Variants in CFAP299 observed in about 807,000 individuals in gnomAD.
The protein encoded by CFAP299 is cilia and flagella associated protein 299.
CFAP299 carries 21 observed loss-of-function variants against 27.0 expected under a neutral mutation model. The ratio of observed to expected loss-of-function variants is 0.78; its 90% CI spans 0.55 to 1.12. CFAP299 has a LOEUF of 1.12. CFAP299 is among the 50% of genes most tolerant of loss of function. CFAP299 has a pLI of 0.00. For synonymous variants in CFAP299, 104 were observed against 98.1 expected (o/e 1.06, Z -0.36); for missense variants, 310 against 276.6 (o/e 1.12, Z -0.86).
chr4:80,750,063 C>A (rs1408242686), intron 3 of CFAP299, among the ~76,000 whole-genome samples: 1 of 151,982 alleles, frequency 6.6e-6, no homozygotes, highest in East Asian at 1.9e-4. Context: ...AAATATATTC[C>A]AAACTATGAC....
intron 3 of CFAP299, among the ~76,000 whole-genome samples, chr4:80,822,013 T>C (rs1456035314): frequency 1.3e-5 from 2 of 152,080 alleles, no homozygotes; most frequent in Non-Finnish European, 2.9e-5. Flanking sequence ...ATGGTAGCAA[T>C]GTGTGAAAAG....
At chr4:80,531,836 C>T (rs1733486286) in intron 2 of CFAP299, among the ~76,000 whole-genome samples, 1 of 150,988 alleles carries the variant, frequency 6.6e-6, no homozygotes, top group Non-Finnish European at 1.5e-5. Flanking sequence ...TCACTGCAAC[C>T]TCTGTCCCCT....
chr4:80,918,578 G>A (rs912476794), intron 4 of CFAP299, among the ~76,000 whole-genome samples: 2 of 152,084 alleles, frequency 1.3e-5, no homozygotes, highest in African/African-American at 4.8e-5. Context: ...ACGTATTTGT[G>A]TATGTGTGTG....
chr4:80,677,081 A>G (rs1374102447), intron 3 of CFAP299, among the ~76,000 whole-genome samples: 1 of 151,814 alleles, frequency 6.6e-6, no homozygotes, highest in Non-Finnish European at 1.5e-5. Context: ...GTAGGTGTTT[A>G]TTGCTATAAA....
At chr4:80,860,741 A>G (rs895808707) in intron 3 of CFAP299, among the ~76,000 whole-genome samples, 20 of 152,100 alleles carry the variant, frequency 1.3e-4, no homozygotes, top group South Asian at 2.1e-4. Context: ...TGAACCGCGA[A>G]TGTTGCTCTC....
intron 2 of CFAP299, among the ~76,000 whole-genome samples, chr4:80,453,050 C>T (rs148313355): frequency 5.9e-5 from 9 of 152,308 alleles, no homozygotes; most frequent in African/African-American, 1.9e-4. Flanking sequence ...AGGTTATTAA[C>T]GTGCCTGACT....
At chr4:80,655,635 A>G (rs1740515773) in intron 3 of CFAP299, among the ~76,000 whole-genome samples, 1 of 152,014 alleles carries the variant, frequency 6.6e-6, no homozygotes. Flanking sequence ...TTCCCATTCT[A>G]TTTTCTTAAA....
At chr4:80,389,184 A>G (rs1578386971) in intron 2 of CFAP299, among the ~76,000 whole-genome samples, 2 of 152,098 alleles carry the variant, frequency 1.3e-5, no homozygotes, top group East Asian at 3.9e-4. Context: ...TCACTGCTGG[A>G]TTGGGTTAGA....
chr4:80,388,481 T>G, intron 2 of CFAP299: 2 of 1,273,530 alleles, frequency 1.6e-6, no homozygotes, highest in South Asian at 1.3e-5. Context: ...GTCGGGGGCA[T>G]TTCTTTGGCA....
In CFAP299 at chr4:80,799,362, ATATT is replaced by A. The variant is rs1412795073; in HGVS notation, c.334-70627_334-70624del. 1.3e-4 allele frequency among the ~76,000 whole-genome samples: 13 copies of A among 97,998 alleles called. No individual in the cohort carries two copies. The South Asian group carries it at 3.9e-3, about 30-fold the overall frequency. 64.3% of individuals were successfully genotyped at this position (97,998 alleles called of 152,430 possible). A position where few individuals can be genotyped will look rare whatever the true frequency, so the allele number is the denominator to read the frequency against. On this transcript the variant is annotated intron_variant, in intron 3 of 5. Transcript: ENST00000358105. ...TTATATATATAAATGTATTTATATA[ATATT>A]TATATATATAAATGTATTTATATAA...
At chr4:80,724,142 G>T (rs927187727) in intron 3 of CFAP299, among the ~76,000 whole-genome samples, 101 of 151,948 alleles carry the variant, frequency 6.6e-4, no homozygotes, top group African/African-American at 2.3e-3. Flanking sequence ...TTACAAATTT[G>T]ACTATAAATT....
chr4:80,733,107 A>G (rs1161526257), intron 3 of CFAP299, among the ~76,000 whole-genome samples: 2 of 152,112 alleles, frequency 1.3e-5, no homozygotes, highest in African/African-American at 2.4e-5. Flanking sequence ...AGGTCTACAT[A>G]TATCTACCAG....
chr4:80,889,011 C>CAAAAAAAAAAAAA (rs35328435), intron 4 of CFAP299, among the ~76,000 whole-genome samples: 1 of 52,712 alleles, frequency 1.9e-5, no homozygotes, highest in African/African-American at 6.9e-5. Context: ...AGTGCCTAAG[C>CAAAAAAAAAAAAA]AAAAAAAAAA....
At chr4:80,349,693 G>C (rs1050040117) in intron 1 of CFAP299, among the ~76,000 whole-genome samples, 2 of 152,168 alleles carry the variant, frequency 1.3e-5, no homozygotes, top group Non-Finnish European at 2.9e-5. Flanking sequence ...TTCTATAGAT[G>C]AAGAAAAAGC....
intron 1 of CFAP299, among the ~76,000 whole-genome samples, chr4:80,348,433 A>G (rs1300103593): frequency 6.6e-6 from 1 of 152,220 alleles, no homozygotes; most frequent in Non-Finnish European, 1.5e-5. Flanking sequence ...ACTTAAACAA[A>G]TTTACAAGAA....
chr4:80,547,991 G>C (rs2110206233), intron 2 of CFAP299, among the ~76,000 whole-genome samples: 2 of 152,194 alleles, frequency 1.3e-5, no homozygotes, highest in African/African-American at 4.8e-5. Context: ...ACTTAAAACA[G>C]AACTACCATT....
chr4:80,642,242 T>G (rs879862488), intron 3 of CFAP299, among the ~76,000 whole-genome samples: 2 of 152,212 alleles, frequency 1.3e-5, no homozygotes, highest in Non-Finnish European at 2.9e-5. Context: ...ATGGTGAACA[T>G]AAAACCTCAT....
Position 80,536,262 on chromosome 4 carries a change from G to C in CFAP299, c.243-46831G>C, listed in dbSNP as rs573196932. ...ATATTTCAGTAGGATCTGAATTACT[G>C]CCTTTCAAGAAAGTCACTAAGTGGT... On this transcript the variant is annotated intron_variant, in intron 2 of 5. Coordinates refer to ENST00000358105, the MANE Select transcript of CFAP299 (RefSeq NM_152770.3). Among the ~76,000 whole-genome samples the C allele has an allele frequency of 6.0e-4, 92 of 152,218 alleles. 1 individual carries two copies. Among genetic ancestry groups the C allele is most frequent in the African/African-American group, 2.0e-3 (85 of 41,552 alleles).
At position 80,338,164 on chromosome 4, in the gene CFAP299, CATTTT is replaced by C. The variant is rs149795818; in HGVS notation, c.111+2292_111+2296del. 1.1e-3 allele frequency among the ~76,000 whole-genome samples: 161 copies of C among 152,234 alleles called. 1 individual carries two copies. Among genetic ancestry groups the C allele is most frequent in the African/African-American group, 3.6e-3 (151 of 41,552 alleles). ...GATTTGAATGGAACAACTTTTAAAA[CATTTT>C]ATTTTAACTAACAAAATTGTCGATA... On this transcript the variant is annotated intron_variant, in intron 1 of 5. Transcript: ENST00000358105.
Sources: allele counts gnomAD v4.1 joint callset (sites outside exome capture counted in the v4.1 genomes callset), GRCh38; gene constraint gnomAD v4.1.1; transcripts MANE v1.5; gene names NCBI Gene and HGNC (gene_info 2026-07-23, HGNC 2026-07-21).